Variants in AGRN observed in about 807,000 individuals in gnomAD.
AGRN encodes agrin proteoglycan.
Under a neutral mutation model 211.0 loss-of-function variants are expected in AGRN, and 106 were observed. The ratio of observed to expected loss-of-function variants is 0.50; its 90% CI spans 0.43 to 0.59. The LOEUF (loss-of-function observed/expected upper bound fraction) is 0.59. AGRN is among the 20% of genes least tolerant of loss of function. AGRN has a pLI of 0.00. For missense variants in AGRN, 3,040 were observed against 2,982.6 expected (o/e 1.02, Z -0.45); for synonymous variants, 1,525 against 1,332.5 (o/e 1.14, Z -3.15).
chr1:1,054,112 T>TGGG, intron 34 of AGRN, 135 bp downstream of exon 34: 3 of 979,770 alleles, frequency 3.1e-6, no homozygotes, highest in Non-Finnish European at 3.1e-6. Flanking sequence ...TCACTGCCAG[T>TGGG]GGGAGGAGGA....
intron 21 of AGRN, 38 bp from the exon 22 acceptor site, chr1:1,047,727 GTGGGGGATGCC>G: frequency 6.2e-7 from 1 of 1,612,568 alleles, no homozygotes; most frequent in Non-Finnish European, 8.5e-7. Flanking sequence ...GAGGCAATGG[GTGGGGGATGCC>G]TGGGGCTCTG....
chr1:1,036,435 C>A (rs184839203), intron 3 of AGRN, among the ~76,000 whole-genome samples: 39 of 152,206 alleles, frequency 2.6e-4, no homozygotes, highest in African/African-American at 7.5e-4. Context: ...GAGATGGAGG[C>A]CCTCTGCTTC....
rs749183995 is a variant in AGRN at position 1,044,254 on chromosome 1, C to T, written c.2145C>T (p.Ser715=). The change falls in exon 11 of 36, where the codon AGC becomes AGT. Residue 715 remains serine (S), a synonymous_variant. Transcript: ENST00000379370. ...TCAGCTGCCAGAGTGTCCCAGGCAGCCCGGTGAGCTCTGTACCCCTGGCTC... is the reference window on the plus strand; with the variant it reads ...TCAGCTGCCAGAGTGTCCCAGGCAGTCCGGTGAGCTCTGTACCCCTGGCTC... ...CDFSCQSVPG[S]PVCGSDGVTY... 1.9e-5 allele frequency: 30 copies of T among 1,612,688 alleles called. No homozygotes were observed. The highest frequency in any genetic ancestry group is 2.5e-5 in the Non-Finnish European group (29 of 1,179,878).
In AGRN at chr1:1,050,234, C is replaced by G; in HGVS notation, c.4881C>G (p.Ala1627=). 1 of 1,613,162 alleles carries G rather than the reference C, an allele frequency of 6.2e-7. No individual in the cohort carries two copies. The highest frequency in any genetic ancestry group is 8.5e-7 in the Non-Finnish European group (1 of 1,179,952). The change falls in exon 28 of 36, where the codon GCC becomes GCG. Residue 1627 remains alanine (A), a splice_region_variant and synonymous_variant. Coordinates refer to ENST00000379370, the MANE Select transcript of AGRN (RefSeq NM_198576.4). ...LGREGTFCQT[A]SGQDGSGPFL... Reference sequence around the variant, plus strand: ...AGGCCTTGGTGACTCTCCCTACAGCCTCGGGGCAGGACGGCTCTGGGCCCT... The same window carrying G: ...AGGCCTTGGTGACTCTCCCTACAGCGTCGGGGCAGGACGGCTCTGGGCCCT...
rs749079416 is a variant in AGRN at position 1,049,369 on chromosome 1, G to A, written c.4432G>A (p.Gly1478Ser). The change falls in exon 25 of 36, where the codon GGC becomes AGC. Residue 1478 changes from glycine (G) to serine (S), a missense_variant. This residue lies in a region of AGRN where 1,537 missense variants were observed against 1,505.0 expected (regional missense o/e 1.02). Transcript: ENST00000379370. Reference protein sequence around the residue: ...LSVDGETPVLGESPSGTDGLN... With the variant: ...LSVDGETPVLSESPSGTDGLN... ...GGTGGATGGTGAGACCCCTGTTCTG[G>A]GCGAGAGTCCCAGTGGCACCGACGG... is the stretch of plus-strand genomic sequence containing the variant. 1 of 1,598,722 alleles carries A rather than the reference G, an allele frequency of 6.3e-7. No individual in the cohort carries two copies. Among genetic ancestry groups the A allele is most frequent in the Non-Finnish European group, 8.5e-7 (1 of 1,179,732 alleles).
intron 2 of AGRN, chr1:1,034,679 G>C: frequency 1.0e-6 from 1 of 989,484 alleles, no homozygotes; most frequent in Non-Finnish European, 1.2e-6. Context: ...GCTCGGCTTC[G>C]CGGTGCTGCT....
At chr1:1,036,072 C>T (rs753779976) in intron 3 of AGRN, among the ~76,000 whole-genome samples, 31 of 152,058 alleles carry the variant, frequency 2.0e-4, no homozygotes, top group Non-Finnish European at 3.4e-4. Flanking sequence ...AGCACCTGCC[C>T]CATCACTGGG....
intron 9 of AGRN, 29 bp downstream of exon 9, chr1:1,043,761 C>A: frequency 1.2e-6 from 2 of 1,603,484 alleles, no homozygotes; most frequent in Non-Finnish European, 1.7e-6. Flanking sequence ...CCGGGCGGGC[C>A]AGGGTCCTGT....
Position 1,054,942 on chromosome 1 carries a change from C to T in AGRN, c.6099C>T (p.Ala2033=), listed in dbSNP as rs376910478. ...GRHPLHLLED[A]VTKPELRPCP... is the part of the protein sequence containing the mutation. ...ACCCGCTGCACCTGCTGGAGGACGC[C>T]GTCACCAAGCCAGAGCTGCGGCCCT... is the stretch of plus-strand genomic sequence containing the variant. The change falls in exon 36 of 36, where the codon GCC becomes GCT. Residue 2033 remains alanine (A), a synonymous_variant. Coordinates refer to ENST00000379370, the MANE Select transcript of AGRN (RefSeq NM_198576.4). The T allele has an allele frequency of 1.8e-5, 28 of 1,549,068 alleles. No homozygotes were observed. The highest frequency in any genetic ancestry group is 8.2e-5 in the African/African-American group (6 of 73,140).
Position 1,045,785 on chromosome 1 carries a change from G to C in AGRN, c.2589G>C (p.Thr863=). The part of the protein sequence containing the change: ...GAVRDDCEQM[T]GLCSCKPGVA... ...TGCGGGATGACTGTGAGCAGATGAC[G>C]GGGCTGTGCTCGTGTAAGCCCGGGG... is the stretch of plus-strand genomic sequence containing the variant. Residue 863 remains threonine, a synonymous_variant, in exon 15 of 36, where the codon ACG becomes ACC. Transcript: ENST00000379370. 1 of 1,613,334 alleles carries C rather than the reference G, an allele frequency of 6.2e-7. No homozygotes were observed. Among genetic ancestry groups the C allele is most frequent in the Non-Finnish European group, 8.5e-7 (1 of 1,179,958 alleles).
At chr1:1,049,834 G>C (rs767871116) in intron 26 of AGRN, 39 bp downstream of exon 26, 117 of 1,610,224 alleles carry the variant, frequency 7.3e-5, no homozygotes, top group Middle Eastern at 3.3e-4. Context: ...TGGGACCCCG[G>C]GGCCTGTGGG....
chr1:1,041,560 G>T lies in AGRN; in HGVS notation c.1035G>T (p.Arg345=), dbSNP rs748789663. 1 of 1,609,106 alleles carries T rather than the reference G, an allele frequency of 6.2e-7. No individual in the cohort carries two copies. The highest frequency in any genetic ancestry group is 8.5e-7 in the Non-Finnish European group (1 of 1,179,346). The change falls in exon 6 of 36, where the codon CGG becomes CGT. Residue 345 remains arginine, a synonymous_variant. Transcript: ENST00000379370. ...CGCGGCGCCCTGAGATGCTCCTACG[G>T]CCCGAGAGCTGCCCTGCCCGGCAGG... ...PRTRRPEMLL[R]PESCPARQAP...
rs201785619 is a variant in AGRN at position 1,045,719 on chromosome 1, G to A, written c.2537-14G>A. The A allele has an allele frequency of 4.3e-4, 694 of 1,613,158 alleles. 4 individuals are homozygous for A. The highest frequency in any genetic ancestry group is 2.0e-4 in the Admixed American group (12 of 60,006). The stretch of plus-strand genomic sequence containing the variant: ...AGGTGCGGACATCACGTTCCTCCCC[G>A]ATTTTCCCCAAAGCCTGCAGCTGTG... On this transcript the variant is annotated splice_polypyrimidine_tract_variant and intron_variant, in intron 14 of 35. Transcript: ENST00000379370.
chr1:1,053,768 G>A lies in AGRN; in HGVS notation c.5667G>A (p.Gln1889=), dbSNP rs115061121. 1,588 of 1,606,596 alleles carry A rather than the reference G, an allele frequency of 9.9e-4. 11 individuals carry two copies. In the African/African-American group the frequency reaches 0.018, roughly 18 times the overall value. ...NAVTESEKAL[Q]SNHFELSLRT... Reference sequence around the variant, plus strand: ...TGCCCTCCAGCGAGAAGGCACTGCAGAGCAACCACTTTGAACTGAGCCTGC... The same window carrying A: ...TGCCCTCCAGCGAGAAGGCACTGCAAAGCAACCACTTTGAACTGAGCCTGC... The change falls in exon 34 of 36, where the codon CAG becomes CAA. Residue 1889 remains glutamine, a synonymous_variant. Transcript: ENST00000379370.
chr1:1,047,847 T>A lies in AGRN; in HGVS notation c.3703T>A (p.Leu1235Met). Residue 1235 changes from leucine (L) to methionine (M), a missense_variant, in exon 22 of 36, where the codon TTG becomes ATG. Leu to Met is a conservative substitution (Grantham distance 15, BLOSUM62 2). Coordinates refer to ENST00000379370, the MANE Select transcript of AGRN (RefSeq NM_198576.4). Reference protein sequence around the residue: ...RQIQVSRRRSLGVRRPLQEHV... With the variant: ...RQIQVSRRRSMGVRRPLQEHV... ...GATCCAGGTGTCCAGGCGCCGGTCC[T>A]TGGGGGTGAGGCGGCCGCTGCAGGA... 1 of 1,606,094 alleles carries A rather than the reference T, an allele frequency of 6.2e-7. No homozygotes were observed. The highest frequency in any genetic ancestry group is 1.7e-5 in the Admixed American group (1 of 59,178).
In AGRN at chr1:1,031,447, T is replaced by C. The variant is rs1245095887; in HGVS notation, c.464-3830T>C. On this transcript the variant is annotated intron_variant, in intron 2 of 35. Coordinates refer to ENST00000379370, the MANE Select transcript of AGRN (RefSeq NM_198576.4). This position sits in a 1 kb window ranked among gnomAD's most constrained non-coding sequence, Gnocchi z 4.8. The stretch of plus-strand genomic sequence containing the variant: ...ATGTCGCCTGAGCTCCCTCCCTGGC[T>C]GGGCCTGGGGCCTCAATGGCCCTTT... 6.6e-6 allele frequency among the ~76,000 whole-genome samples: 1 copy of C among 152,142 alleles called. No individual in the cohort carries two copies. Among genetic ancestry groups the C allele is most frequent in the Non-Finnish European group, 1.5e-5 (1 of 68,008 alleles).
chr1:1,048,088 A>G lies in AGRN; in HGVS notation c.3828A>G (p.Ala1276=), dbSNP rs1051927996. The G allele has an allele frequency of 5.7e-6, 9 of 1,576,716 alleles. No homozygotes were observed. Among genetic ancestry groups the G allele is most frequent in the African/African-American group, 1.3e-5 (1 of 74,398 alleles). ...GAGCCACGGCCAGAGCCACCACTGCATCGCGCCTGCCGTCCTCTGCTGTGA... is the reference window on the plus strand; with the variant it reads ...GAGCCACGGCCAGAGCCACCACTGCGTCGCGCCTGCCGTCCTCTGCTGTGA... ...AAGATARATT[A]SRLPSSAVTP... The change falls in exon 23 of 36, where the codon GCA becomes GCG. Residue 1276 remains alanine, a synonymous_variant. Transcript: ENST00000379370. This position sits in a 1 kb window ranked among gnomAD's most constrained non-coding sequence, Gnocchi z 5.9.
In AGRN at chr1:1,050,922, G is replaced by C. The variant is rs1458594918; in HGVS notation, c.5253+85G>C. 2.3e-5 allele frequency: 35 copies of C among 1,532,904 alleles called. No homozygotes were observed. The South Asian group carries it at 4.2e-4, about 18-fold the overall frequency. 95.0% of individuals were successfully genotyped at this position (1,532,904 alleles called of 1,614,324 possible). Reference sequence around the variant, plus strand: ...CAGCCCCGCCCCTGCCGGCGCTCACGGAGCTGTTTTTCTGTCCTGTTCTCT... The same window carrying C: ...CAGCCCCGCCCCTGCCGGCGCTCACCGAGCTGTTTTTCTGTCCTGTTCTCT... On this transcript the variant is annotated intron_variant, in intron 30 of 35. Coordinates refer to ENST00000379370, the MANE Select transcript of AGRN (RefSeq NM_198576.4).
rs139924386 is a variant in AGRN at position 1,054,485 on chromosome 1, G to A, written c.5914G>A (p.Ala1972Thr). The A allele has an allele frequency of 4.4e-6, 7 of 1,601,894 alleles. No individual in the cohort carries two copies. The highest frequency in any genetic ancestry group is 1.3e-5 in the African/African-American group (1 of 74,744). Reference protein sequence around the residue: ...REGSLQVGNEAPVTGSSPLGA... With the variant: ...REGSLQVGNETPVTGSSPLGA... ...AGGTTCCCTGCAGGTGGGCAATGAGGCCCCTGTGACCGGCTCCTCCCCGCT... is the reference window on the plus strand; with the variant it reads ...AGGTTCCCTGCAGGTGGGCAATGAGACCCCTGTGACCGGCTCCTCCCCGCT... Residue 1972 changes from alanine (A) to threonine (T), a missense_variant, in exon 35 of 36, where the codon GCC becomes ACC. Transcript: ENST00000379370.
Sources: allele counts gnomAD v4.1 joint callset (sites outside exome capture counted in the v4.1 genomes callset), GRCh38; gene constraint gnomAD v4.1.1; regional missense constraint gnomAD v4.1.1; non-coding constraint Gnocchi (gnomAD v3.1); transcripts MANE v1.5; gene names NCBI Gene and HGNC (gene_info 2026-07-23, HGNC 2026-07-21).